ZDHHC13: variants seen among roughly 807,000 people sequenced by gnomAD.
The protein encoded by ZDHHC13 is zDHHC palmitoyltransferase 13, also known as palmitoyltransferase ZDHHC13.
ZDHHC13 carries 85 observed loss-of-function variants against 86.0 expected under a neutral mutation model. That is an observed-to-expected ratio of 0.99 (90% CI 0.83 to 1.18). The LOEUF is 1.18. ZDHHC13 is among the 50% of genes most tolerant of loss of function. The pLI is 0.00. For missense variants in ZDHHC13, 711 were observed against 730.2 expected (o/e 0.97, Z 0.30); for synonymous variants, 263 against 246.4 (o/e 1.07, Z -0.63).
chr11:19,140,052 A>G (rs1407434933), intron 1 of ZDHHC13, among the ~76,000 whole-genome samples: 1 of 149,916 alleles, frequency 6.7e-6, no homozygotes, highest in Non-Finnish European at 1.5e-5. Context: ...AACAAAAGCC[A>G]AAATTGACAA....
At chr11:19,119,452 C>G (rs1848715427) in intron 1 of ZDHHC13, among the ~76,000 whole-genome samples, 1 of 152,216 alleles carries the variant, frequency 6.6e-6, no homozygotes, top group Non-Finnish European at 1.5e-5. Context: ...CCCAGCCACA[C>G]CAGCCTCAGA....
At chr11:19,141,618 G>T (rs566628520) in intron 1 of ZDHHC13, among the ~76,000 whole-genome samples, 58 of 150,046 alleles carry the variant, frequency 3.9e-4, no homozygotes, top group African/African-American at 1.3e-3. Context: ...ATGGAAAGGA[G>T]AAATAAAATG....
At chr11:19,124,211 G>A (rs967292311) in intron 1 of ZDHHC13, among the ~76,000 whole-genome samples, 4 of 151,870 alleles carry the variant, frequency 2.6e-5, no homozygotes, top group Non-Finnish European at 4.4e-5. Flanking sequence ...ATGATATATT[G>A]TTACATGAGA....
In ZDHHC13 at chr11:19,146,310, T is replaced by C. The variant is rs1205780679; in HGVS notation, c.296+7T>C. The C allele has an allele frequency of 3.7e-6, 6 of 1,602,972 alleles. No homozygotes were observed. The highest frequency in any genetic ancestry group is 2.3e-5 in the South Asian group (2 of 87,964). Reference sequence around the variant, plus strand: ...ACAGACTGGATCTTGTAAAGTAAGATGGGATATGTGTGTTAATTGTGTATT... The same window carrying C: ...ACAGACTGGATCTTGTAAAGTAAGACGGGATATGTGTGTTAATTGTGTATT... On this transcript the variant is annotated splice_region_variant and intron_variant, in intron 3 of 16. Coordinates refer to ENST00000446113, the MANE Select transcript of ZDHHC13 (RefSeq NM_019028.3).
At chr11:19,138,095 A>G (rs1849197304) in intron 1 of ZDHHC13, among the ~76,000 whole-genome samples, 1 of 152,050 alleles carries the variant, frequency 6.6e-6, no homozygotes, top group South Asian at 2.1e-4. Context: ...GACACAAAAA[A>G]ACCCTTCAAA....
At chr11:19,175,675 C>T (rs1850344262) in intron 16 of ZDHHC13, 147 bp from the exon 17 acceptor site, 2 of 843,230 alleles carry the variant, frequency 2.4e-6, no homozygotes, top group Non-Finnish European at 1.8e-6. Context: ...GTACCAGAAG[C>T]CCAGGAACTA....
rs55880977 is a variant in ZDHHC13, at chr11:19,133,386, TACAC to T, written c.28-9574_28-9571del. Among the ~76,000 whole-genome samples the T allele has an allele frequency of 6.4e-3, 955 of 149,466 alleles. 6 individuals are homozygous for T. The highest frequency in any genetic ancestry group is 0.021 in the African/African-American group (837 of 40,752). On this transcript the variant is annotated intron_variant, in intron 1 of 16. Transcript: ENST00000446113. ...ATATATATACCCACACACATATATA[TACAC>T]ACACACACACACACACATATATATA...
At chr11:19,129,721 A>C (rs1213535538) in intron 1 of ZDHHC13, among the ~76,000 whole-genome samples, 1 of 152,034 alleles carries the variant, frequency 6.6e-6, no homozygotes, top group Admixed American at 6.6e-5. Context: ...ATCTGTGTTC[A>C]TGAGGGATAC....
intron 1 of ZDHHC13, among the ~76,000 whole-genome samples, chr11:19,136,090 TGA>T (rs1193088257): frequency 4.4e-4 from 67 of 152,200 alleles, no homozygotes; most frequent in African/African-American, 1.4e-3. Flanking sequence ...TTTGACGAGC[TGA>T]GAGAAGAAGG....
chr11:19,134,693 A>T (rs892250836), intron 1 of ZDHHC13, among the ~76,000 whole-genome samples: 10 of 143,570 alleles, frequency 7.0e-5, no homozygotes, highest in Admixed American at 1.4e-4. Context: ...AACATTACAC[A>T]CTGCGGTCTG....
intron 14 of ZDHHC13, chr11:19,168,113 A>G (rs1242625178): frequency 6.6e-6 from 1 of 152,190 alleles, no homozygotes; most frequent in African/African-American, 2.4e-5. Context: ...TCGATTTTTA[A>G]AACTTCTTAG....
In ZDHHC13 at chr11:19,155,937, T is replaced by C. The variant is rs747798932; in HGVS notation, c.1007+8T>C. 2.5e-6 allele frequency: 4 copies of C among 1,592,462 alleles called. No individual in the cohort carries two copies. In the African/African-American group the frequency reaches 5.4e-5, roughly 22 times the overall value. Reference sequence around the variant, plus strand: ...GACATCTTTGTTTCCAAGGTGTGTATGTTAATTTTTGCAAGGCTGGTTATT... The same window carrying C: ...GACATCTTTGTTTCCAAGGTGTGTACGTTAATTTTTGCAAGGCTGGTTATT... On this transcript the variant is annotated splice_region_variant and intron_variant, in intron 9 of 16. Transcript: ENST00000446113.
intron 16 of ZDHHC13, among the ~76,000 whole-genome samples, 188 bp downstream of exon 16, chr11:19,173,008 A>G (rs771896678): frequency 1.3e-5 from 2 of 152,164 alleles, no homozygotes; most frequent in African/African-American, 2.4e-5. Flanking sequence ...CCACGGTGGT[A>G]AGAATTCGAG....
At chr11:19,138,495 C>T (rs1173839266) in intron 1 of ZDHHC13, among the ~76,000 whole-genome samples, 1 of 151,840 alleles carries the variant, frequency 6.6e-6, no homozygotes, top group African/African-American at 2.4e-5. Flanking sequence ...CAAGGAGGAA[C>T]TGGTACCATT....
At chr11:19,155,738 T>A in intron 8 of ZDHHC13, 58 bp from the exon 9 acceptor site, 4 of 1,568,802 alleles carry the variant, frequency 2.5e-6, no homozygotes, top group Non-Finnish European at 3.4e-6. Context: ...ATTGCACTAT[T>A]ATTAGATACT....
At chr11:19,153,896 A>T (rs1849685594) in intron 8 of ZDHHC13, among the ~76,000 whole-genome samples, 1 of 150,990 alleles carries the variant, frequency 6.6e-6, no homozygotes, top group Admixed American at 6.6e-5. Context: ...GCAGTCCATT[A>T]GAAAGACGGG....
intron 1 of ZDHHC13, 80 bp from the exon 2 acceptor site, chr11:19,142,898 G>A: frequency 7.2e-7 from 1 of 1,388,716 alleles, no homozygotes; most frequent in Non-Finnish European, 9.6e-7. Context: ...AGATATTGTT[G>A]ATAGTAGCAA....
rs150175194 is a variant in ZDHHC13 at position 19,162,621 on chromosome 11, G to A, written c.1109-682G>A. ...CAGCTTCTATGTGAGGTGATAGGGT[G>A]TAATTCACTTTACTTGGAGAGTGGT... On this transcript the variant is annotated intron_variant, in intron 10 of 16. Coordinates refer to ENST00000446113, the MANE Select transcript of ZDHHC13 (RefSeq NM_019028.3). Among the ~76,000 whole-genome samples, 1,233 of 152,230 alleles carry A rather than the reference G, an allele frequency of 8.1e-3. 5 individuals carry two copies. The highest frequency in any genetic ancestry group is 0.012 in the Non-Finnish European group (820 of 67,986).
rs141933839 is a variant in ZDHHC13, at chr11:19,164,211, T to A, written c.1234-90T>A. 751 of 1,339,834 alleles carry A rather than the reference T, an allele frequency of 5.6e-4. 3 individuals are homozygous for A. In the African/African-American group the frequency reaches 0.01, roughly 18 times the overall value. The allele number at this position is 1,339,834 out of a possible 1,614,324, so 83.0% of individuals were successfully genotyped here. A position where few individuals can be genotyped will look rare whatever the true frequency, so the allele number is the denominator to read the frequency against. On this transcript the variant is annotated intron_variant, in intron 11 of 16. Transcript: ENST00000446113. ...AAATTGCTTTTCTAACTACTTCAGT[T>A]TGGAGCGAGAACTGTGAGAATGGTG...
Sources: allele counts gnomAD v4.1 joint callset (sites outside exome capture counted in the v4.1 genomes callset), GRCh38; gene constraint gnomAD v4.1.1; transcripts MANE v1.5; gene names NCBI Gene and HGNC (gene_info 2026-07-23, HGNC 2026-07-21).